USH2A: variants seen among roughly 807,000 people sequenced by gnomAD.
USH2A encodes usherin, also known as Usher syndrome 2A (autosomal recessive, mild).
A neutral mutation model predicts 538.9 loss-of-function variants in USH2A; 443 were observed. The ratio of observed to expected loss-of-function variants is 0.82; its 90% CI spans 0.76 to 0.89. The LOEUF is 0.89. Ranked by LOEUF, USH2A falls within the 40% of genes least tolerant of loss-of-function variation. The pLI, the probability that USH2A is intolerant of heterozygous loss-of-function variation, is 0.00. For synonymous variants in USH2A, 2,413 were observed against 2,273.5 expected, an observed-to-expected ratio of 1.06 and a Z score of -1.75; for missense variants, 6,633 against 6,324.8, an observed-to-expected ratio of 1.05 and a Z score of -1.65.
intron 61 of USH2A, among the ~76,000 whole-genome samples, chr1:215,688,501 C>T (rs934381909): frequency 3.3e-5 from 5 of 152,086 alleles, no homozygotes; most frequent in Admixed American, 1.3e-4. Flanking sequence ...TTTGTCTACT[C>T]GGGCTGCTAT....
intron 61 of USH2A, among the ~76,000 whole-genome samples, chr1:215,707,191 T>C (rs1659206332): frequency 6.6e-6 from 1 of 152,232 alleles, no homozygotes; most frequent in Non-Finnish European, 1.5e-5. Context: ...TTATTTTGCT[T>C]GGCTTATCTT....
At chr1:216,333,261 G>C (rs1200353102) in intron 4 of USH2A, among the ~76,000 whole-genome samples, 2 of 151,926 alleles carry the variant, frequency 1.3e-5, no homozygotes, top group Admixed American at 6.6e-5. Flanking sequence ...GGGAAACGTA[G>C]TGAGACCTCA....
chr1:216,411,801 G>A (rs1350599358), intron 3 of USH2A, among the ~76,000 whole-genome samples: 1 of 152,120 alleles, frequency 6.6e-6, no homozygotes, highest in Non-Finnish European at 1.5e-5. Flanking sequence ...CTTGATTTCA[G>A]CTTTCTAGCC....
At chr1:215,837,174 G>C (rs1310698187) in intron 47 of USH2A, among the ~76,000 whole-genome samples, 1 of 152,060 alleles carries the variant, frequency 6.6e-6, no homozygotes, top group African/African-American at 2.4e-5. Flanking sequence ...ACTGATTTAA[G>C]ATCCAGAAAT....
At chr1:216,231,262 A>ATATATAATATATATATAT (rs2035680873) in intron 14 of USH2A, among the ~76,000 whole-genome samples, 1 of 109,292 alleles carries the variant, frequency 9.1e-6, no homozygotes, top group East Asian at 3.0e-4. Flanking sequence ...TATATATAAT[A>ATATATAATATATATATAT]TATATATATA....
chr1:216,338,562 A>G lies in USH2A; in HGVS notation c.785-10908T>C, dbSNP rs571401328. Among the ~76,000 whole-genome samples, 15 of 151,726 alleles carry G rather than the reference A, an allele frequency of 9.9e-5. No homozygotes were observed. In the South Asian group the frequency reaches 2.1e-3, roughly 21 times the overall value. ...TAAAAAGTAACTGATATATTCGCCA[A>G]TGTTAAAATTTAAAACTCTTGTGTG... On this transcript the variant is annotated intron_variant, in intron 4 of 71. Transcript: ENST00000307340.
At chr1:216,019,470 T>C (rs964753396) in intron 32 of USH2A, among the ~76,000 whole-genome samples, 5 of 152,198 alleles carry the variant, frequency 3.3e-5, no homozygotes, top group African/African-American at 1.2e-4. Flanking sequence ...GAGCTTTGTT[T>C]AGTCTTTGTT....
intron 3 of USH2A, among the ~76,000 whole-genome samples, chr1:216,397,848 C>A (rs2039239164): frequency 6.6e-6 from 1 of 152,232 alleles, no homozygotes; most frequent in African/African-American, 2.4e-5. Flanking sequence ...TGCTGACAGC[C>A]TGTCGTGGGA....
intron 32 of USH2A, among the ~76,000 whole-genome samples, chr1:216,025,403 T>TTTTTTTTTTTTTTTTTTTTTGAGA (rs1668938945): frequency 6.6e-6 from 1 of 151,950 alleles, no homozygotes; most frequent in African/African-American, 2.4e-5. Context: ...ATTTTTATTT[T>TTTTTTTTTTTTTTTTTTTTTGAGA]CTGAATTAGT....
intron 35 of USH2A, among the ~76,000 whole-genome samples, chr1:215,971,843 G>A (rs1324254731): frequency 6.6e-6 from 1 of 152,100 alleles, no homozygotes; most frequent in Non-Finnish European, 1.5e-5. Flanking sequence ...TTATGTTGAA[G>A]AATATCCAGA....
intron 26 of USH2A, among the ~76,000 whole-genome samples, chr1:216,081,631 G>A (rs2031945200): frequency 6.6e-6 from 1 of 151,918 alleles, no homozygotes. Flanking sequence ...GAGCTCTCTT[G>A]CCCAGGCTGG....
chr1:216,307,611 A>C (rs556203069), intron 9 of USH2A, among the ~76,000 whole-genome samples: 2 of 152,270 alleles, frequency 1.3e-5, no homozygotes, highest in East Asian at 3.9e-4. Context: ...GAAAGTTGGC[A>C]TTCAGTCGAA....
chr1:216,399,686 A>G (rs1030989256), intron 3 of USH2A, among the ~76,000 whole-genome samples: 1 of 152,014 alleles, frequency 6.6e-6, no homozygotes, highest in Admixed American at 6.6e-5. Flanking sequence ...CAAGCAATGA[A>G]TTTTTCCCTT....
Position 216,084,689 on chromosome 1 carries a change from G to T in USH2A, c.5167+9C>A. 6.2e-7 allele frequency: 1 copy of T among 1,612,194 alleles called. No homozygotes were observed. The highest frequency in any genetic ancestry group is 1.3e-5 in the African/African-American group (1 of 74,958). On this transcript the variant is annotated intron_variant, in intron 25 of 71. Coordinates refer to ENST00000307340, the MANE Select transcript of USH2A (RefSeq NM_206933.4). ...TAAGTGAACACTCATGTCTTTTTTAGAGCATTACCTGCTCCTAGGAACTGA... is the reference window on the plus strand; with the variant it reads ...TAAGTGAACACTCATGTCTTTTTTATAGCATTACCTGCTCCTAGGAACTGA...
chr1:216,099,141 T>G (rs2102574805), intron 21 of USH2A, among the ~76,000 whole-genome samples: 1 of 152,360 alleles, frequency 6.6e-6, no homozygotes, highest in African/African-American at 2.4e-5. Flanking sequence ...CCTGGCCTTC[T>G]TGACTTCTGC....
intron 67 of USH2A, among the ~76,000 whole-genome samples, chr1:215,641,241 A>G (rs191128340): frequency 7.2e-5 from 11 of 152,330 alleles, no homozygotes; most frequent in African/African-American, 2.4e-4. Context: ...TAGATGGTGA[A>G]TTACGTCCTT....
chr1:215,888,124 T>G (rs887107160), intron 41 of USH2A, among the ~76,000 whole-genome samples: 2 of 152,248 alleles, frequency 1.3e-5, no homozygotes, highest in African/African-American at 2.4e-5. Flanking sequence ...TCTTCTCATT[T>G]TCTGATCTAT....
At chr1:216,383,949 C>T (rs1489067689) in intron 3 of USH2A, among the ~76,000 whole-genome samples, 12 of 150,394 alleles carry the variant, frequency 8.0e-5, no homozygotes, top group South Asian at 2.1e-4. Flanking sequence ...GATCCTCCTG[C>T]GTAGGCCTCC....
chr1:215,866,844 C>T (rs1489595701), intron 44 of USH2A, among the ~76,000 whole-genome samples, 163 bp downstream of exon 44: 1 of 152,080 alleles, frequency 6.6e-6, no homozygotes, highest in Non-Finnish European at 1.5e-5. Context: ...AATGGCCCTT[C>T]TAAAGTTTTC....
Sources: gnomAD v4.1 joint callset for allele counts (sites outside exome capture counted in the v4.1 genomes callset) on GRCh38, gnomAD v4.1.1 for gene constraint, MANE v1.5 for transcripts, NCBI Gene and HGNC (gene_info 2026-07-23, HGNC 2026-07-21) for gene names.